The following HYDIN variants were observed in gnomAD, a reference collection of about 807,000 sequenced individuals.
HYDIN encodes HYDIN axonemal central pair apparatus protein.
In HYDIN, 132 loss-of-function variants were observed where a neutral mutation model predicts 403.9. That is an observed-to-expected ratio of 0.33 (90% confidence interval 0.28 to 0.38). HYDIN has a LOEUF of 0.38. Among genes scored for constraint, HYDIN ranks in the 10% least tolerant of loss-of-function variants. The pLI is 1.00. For synonymous variants in HYDIN, 1,202 were observed against 1,891.7 expected, an observed-to-expected ratio of 0.64 and a Z score of 9.46; for missense variants, 2,827 against 5,009.5, an observed-to-expected ratio of 0.56 and a Z score of 13.15.
intron 45 of HYDIN, among the ~76,000 whole-genome samples, chr16:70,922,289 G>A (rs1386781230): frequency 6.6e-6 from 1 of 152,232 alleles, no homozygotes; most frequent in Non-Finnish European, 1.5e-5. Flanking sequence ...AAGACACCTG[G>A]GTTTGCACGG....
At chr16:71,066,164 C>G (rs1486990277) in intron 15 of HYDIN, among the ~76,000 whole-genome samples, 3 of 150,342 alleles carry the variant, frequency 2.0e-5, no homozygotes, top group African/African-American at 7.4e-5. Context: ...GGGAAAGGGG[C>G]TAGAAAGTAT....
intron 12 of HYDIN, among the ~76,000 whole-genome samples, chr16:71,086,705 C>T (rs1334261484): frequency 6.6e-6 from 1 of 152,232 alleles, no homozygotes; most frequent in Admixed American, 6.5e-5. Context: ...CAGAGCAATA[C>T]TTCCTGATGC....
At chr16:70,891,138 C>A (rs1432298205) in intron 57 of HYDIN, among the ~76,000 whole-genome samples, 4 of 151,924 alleles carry the variant, frequency 2.6e-5, no homozygotes, top group African/African-American at 9.7e-5. Flanking sequence ...GATGTGGGCT[C>A]ACACCAAGAT....
chr16:70,830,201 TAC>T (rs1295634230), intron 80 of HYDIN, among the ~76,000 whole-genome samples: 3 of 150,452 alleles, frequency 2.0e-5, no homozygotes, highest in African/African-American at 7.4e-5. Context: ...TTTGAGTTTT[TAC>T]ACAGTGTGAT....
At chr16:71,033,616 C>T (rs1024311580) in intron 18 of HYDIN, among the ~76,000 whole-genome samples, 1 of 151,178 alleles carries the variant, frequency 6.6e-6, no homozygotes, top group African/African-American at 2.4e-5. Context: ...ACATCACACA[C>T]CAGGGCGTGT....
chr16:70,938,024 T>C (rs1271266706), intron 44 of HYDIN, among the ~76,000 whole-genome samples: 1 of 152,160 alleles, frequency 6.6e-6, no homozygotes, highest in Non-Finnish European at 1.5e-5. Context: ...GCAGAGAAAG[T>C]GGCTGAGGGT....
At chr16:71,179,143 A>T (rs2086801910) in intron 3 of HYDIN, 96 bp from the exon 4 acceptor site, 4 of 876,946 alleles carry the variant, frequency 4.6e-6, no homozygotes, top group Non-Finnish European at 6.8e-6. Flanking sequence ...GGATATTAAA[A>T]CTAAACATGG....
At chr16:70,937,021 T>TTA (rs1242043370) in intron 44 of HYDIN, among the ~76,000 whole-genome samples, 1 of 151,618 alleles carries the variant, frequency 6.6e-6, no homozygotes, top group African/African-American at 2.4e-5. Context: ...GAGGGAATGG[T>TTA]ACTTCTGAAA....
rs375647264 is a variant in HYDIN, at chr16:70,833,944, T to C, written c.13622A>G (p.Tyr4541Cys). ...QEHIPFGPVVYQTQATRRILM... is the reference protein window; with the variant it reads ...QEHIPFGPVVCQTQATRRILM... ...GATGCGACGTGTGGCTTGCGTCTGA[T>C]ACACCACGGGTCCAAAGGGAATATG... Residue 4541 changes from tyrosine to cysteine, a missense_variant, in exon 79 of 86, where the codon TAT becomes TGT. Physicochemically the swap from Tyr to Cys is radical, Grantham distance 194. Transcript: ENST00000393567. The C allele has an allele frequency of 1.9e-6, 3 of 1,613,482 alleles. No individual in the cohort carries two copies. The highest frequency in any genetic ancestry group is 2.5e-6 in the Non-Finnish European group (3 of 1,179,808).
intron 37 of HYDIN, among the ~76,000 whole-genome samples, chr16:70,963,084 T>C (rs1402865199): frequency 6.6e-5 from 10 of 151,736 alleles, no homozygotes; most frequent in African/African-American, 2.2e-4. Flanking sequence ...CCTTTGTACA[T>C]TGCAGCCCTT....
At chr16:70,900,617 G>C (rs2076342558) in intron 53 of HYDIN, among the ~76,000 whole-genome samples, 1 of 147,374 alleles carries the variant, frequency 6.8e-6, no homozygotes, top group Non-Finnish European at 1.5e-5. Context: ...GGTGGAGGGT[G>C]ACATTTCCCC....
At position 70,870,480 on chromosome 16, in the gene HYDIN, T is replaced by G. The variant is rs12595960; in HGVS notation, c.11091+1557A>C. Among the ~76,000 whole-genome samples, 1,075 of 151,328 alleles carry G rather than the reference T, an allele frequency of 7.1e-3. 81 individuals carry two copies. The East Asian group carries it at 0.17, about 24-fold the overall frequency. ...GTAGAGCTCTGCATCCCAGCCACTCTGGTCATGGCTAAAAGGGGCCAAGGT... is the reference window on the plus strand; with the variant it reads ...GTAGAGCTCTGCATCCCAGCCACTCGGGTCATGGCTAAAAGGGGCCAAGGT... On this transcript the variant is annotated intron_variant, in intron 65 of 85. Transcript: ENST00000393567.
At chr16:70,987,173 A>G (rs2079215822) in intron 27 of HYDIN, among the ~76,000 whole-genome samples, 1 of 147,618 alleles carries the variant, frequency 6.8e-6, no homozygotes, top group African/African-American at 2.4e-5. Context: ...TGGAGAGGTG[A>G]TGTGCCCAAG....
At chr16:70,861,825 G>A (rs1346057082) in intron 69 of HYDIN, among the ~76,000 whole-genome samples, 3 of 67,622 alleles carry the variant, frequency 4.4e-5, no homozygotes, top group Non-Finnish European at 6.0e-5. Flanking sequence ...GTAAGCAGGG[G>A]GAAGCATCTG....
intron 5 of HYDIN, among the ~76,000 whole-genome samples, chr16:71,174,892 T>A (rs2086605308): frequency 1.3e-5 from 2 of 152,216 alleles, no homozygotes; most frequent in Non-Finnish European, 2.9e-5. Flanking sequence ...TGATATTATC[T>A]CTATGTTTGA....
Position 71,204,995 on chromosome 16 carries a change from A to G in HYDIN, c.-23-18077T>C, listed in dbSNP as rs189793914. 2.0e-3 allele frequency among the ~76,000 whole-genome samples: 299 copies of G among 152,362 alleles called. 5 individuals carry two copies. Among genetic ancestry groups the G allele is most frequent in the African/African-American group, 6.8e-3 (283 of 41,596 alleles). On this transcript the variant is annotated intron_variant, in intron 1 of 85. Transcript: ENST00000393567. ...TAGTAAATGATTACCAGACCAAACA[A>G]TAAAAGAAATCAAGCACCACAGAAG...
At chr16:71,182,828 A>C (rs933905727) in intron 3 of HYDIN, among the ~76,000 whole-genome samples, 2 of 152,128 alleles carry the variant, frequency 1.3e-5, no homozygotes, top group Non-Finnish European at 2.9e-5. Context: ...TCAAGTACCA[A>C]GTACTGGGAG....
rs374715588 is a variant in HYDIN at position 71,137,526 on chromosome 16, G to A, written c.842-174C>T. 2.0e-3 allele frequency among the ~76,000 whole-genome samples: 300 copies of A among 151,880 alleles called. 5 individuals are homozygous for A. The highest frequency in any genetic ancestry group is 6.9e-3 in the African/African-American group (284 of 41,430). On this transcript the variant is annotated intron_variant, in intron 7 of 85. Transcript: ENST00000393567. ...GATATGATCAGAAAACAAATATTATGCTTGGTGCAGTTATAGAAAAATCAA... is the reference window on the plus strand; with the variant it reads ...GATATGATCAGAAAACAAATATTATACTTGGTGCAGTTATAGAAAAATCAA...
Position 70,832,934 on chromosome 16 carries a change from T to G in HYDIN, c.13813A>C (p.Lys4605Gln), listed in dbSNP as rs574895757. Residue 4605 changes from lysine (K) to glutamine (Q), a missense_variant, in exon 80 of 86, where the codon AAA becomes CAA. Transcript: ENST00000393567. ...CCCTGGATGTAGCAGAGAATGTTTTTACAAAGGCTCTCCTTTCCCACCTCG... is the reference window on the plus strand; with the variant it reads ...CCCTGGATGTAGCAGAGAATGTTTTGACAAAGGCTCTCCTTTCCCACCTCG... ...PTEVGKESLCKNILCYIQGGS... is the reference protein window; with the variant it reads ...PTEVGKESLCQNILCYIQGGS... 6.2e-7 allele frequency: 1 copy of G among 1,614,092 alleles called. No individual in the cohort carries two copies. The highest frequency in any genetic ancestry group is 1.7e-4 in the Middle Eastern group (1 of 6,058).
Sources: allele counts gnomAD v4.1 joint callset (sites outside exome capture counted in the v4.1 genomes callset), GRCh38; gene constraint gnomAD v4.1.1; transcripts MANE v1.5; gene names NCBI Gene and HGNC (gene_info 2026-07-23, HGNC 2026-07-21).